The following SND1 variants were observed in gnomAD, a reference collection of about 807,000 sequenced individuals.
The protein encoded by SND1 is staphylococcal nuclease and tudor domain containing 1, also known as staphylococcal nuclease domain-containing protein 1.
Under a neutral mutation model 121.7 loss-of-function variants are expected in SND1, and 38 were observed. The observed-to-expected ratio is 0.31, with a 90% CI of 0.24 to 0.41. The LOEUF is 0.41. Among genes scored for constraint, SND1 ranks in the 10% least tolerant of loss-of-function variants. SND1 has a pLI of 1.00. For missense variants in SND1, 868 were observed against 1,184.6 expected, an observed-to-expected ratio of 0.73 and a Z score of 3.92; for synonymous variants, 401 against 447.4, an observed-to-expected ratio of 0.90 and a Z score of 1.31.
At chr7:127,665,189 AT>A (rs35105011) in intron 1 of SND1, among the ~76,000 whole-genome samples, 9,882 of 141,520 alleles carry the variant, frequency 0.07, 361 homozygotes, top group Middle Eastern at 0.2. Context: ...GACAGTCAAC[AT>A]TTTTTTTTTT....
intron 11 of SND1, among the ~76,000 whole-genome samples, chr7:127,839,189 C>A (rs1798919899): frequency 6.6e-6 from 1 of 152,074 alleles, no homozygotes; most frequent in Non-Finnish European, 1.5e-5. Context: ...ATGGTGTCGT[C>A]TTTTCAGTAT....
chr7:127,712,695 T>C (rs1180596941), intron 9 of SND1, among the ~76,000 whole-genome samples: 1 of 152,232 alleles, frequency 6.6e-6, no homozygotes, highest in Admixed American at 6.5e-5. Context: ...CCATCTGCTT[T>C]CCAGCTTCCA....
At chr7:127,937,600 T>G (rs1801088153) in intron 15 of SND1, among the ~76,000 whole-genome samples, 1 of 152,206 alleles carries the variant, frequency 6.6e-6, no homozygotes, top group Non-Finnish European at 1.5e-5. Context: ...TTGTGCATGG[T>G]GAACTAAAGG....
chr7:127,971,609 C>T (rs1454084385), intron 15 of SND1, among the ~76,000 whole-genome samples: 1 of 152,032 alleles, frequency 6.6e-6, no homozygotes, highest in African/African-American at 2.4e-5. Context: ...CAAACACCAG[C>T]CTCTCTCCCC....
At chr7:128,040,087 C>T (rs973841155) in intron 16 of SND1, among the ~76,000 whole-genome samples, 5 of 152,066 alleles carry the variant, frequency 3.3e-5, no homozygotes, top group African/African-American at 4.8e-5. Context: ...ATTCCATCAA[C>T]GAACCCTTAA....
Position 128,052,423 on chromosome 7 carries a change from C to T in SND1, c.1780-22079C>T, listed in dbSNP as rs115964748. Among the ~76,000 whole-genome samples, 792 of 152,314 alleles carry T rather than the reference C, an allele frequency of 5.2e-3. 5 individuals are homozygous for T. Among genetic ancestry groups the T allele is most frequent in the African/African-American group, 0.018 (763 of 41,566 alleles). ...ACTTCATTGCCACAGCTTGTCTTCC[C>T]GCCCAGGAAAGGGTATTTGGAAGAA... On this transcript the variant is annotated intron_variant, in intron 16 of 23. Transcript: ENST00000354725. The surrounding 1 kb of genome is among the most constrained non-coding windows in gnomAD (Gnocchi z 4.6).
At chr7:127,701,067 C>G (rs1311115668) in intron 4 of SND1, 96 bp from the exon 5 acceptor site, 2 of 1,348,496 alleles carry the variant, frequency 1.5e-6, no homozygotes, top group Non-Finnish European at 2.1e-6. Context: ...TTGTTGTCTT[C>G]AAGGGGTGAA....
At chr7:127,782,707 G>A (rs778268361) in intron 10 of SND1, among the ~76,000 whole-genome samples, 97 of 152,142 alleles carry the variant, frequency 6.4e-4, no homozygotes, top group Non-Finnish European at 1.6e-4. Flanking sequence ...TGCAAAGCAG[G>A]GCTGTAGACC....
chr7:127,872,848 T>C (rs564387170), intron 12 of SND1, among the ~76,000 whole-genome samples: 1 of 152,258 alleles, frequency 6.6e-6, no homozygotes, highest in East Asian at 1.9e-4. Context: ...ATTGGGAAAA[T>C]GAATGTAGTT....
chr7:128,029,062 T>C lies in SND1; in HGVS notation c.1779+38006T>C. ...GCCACAAAGCAGCCAATGATGATCT[T>C]GGTGGTCTTCATGACTTCATCCAGG... On this transcript the variant is annotated intron_variant, in intron 16 of 23. Transcript: ENST00000354725. This position sits in a 1 kb window ranked among gnomAD's most constrained non-coding sequence, Gnocchi z 4.2. 2 of 1,613,714 alleles carry C rather than the reference T, an allele frequency of 1.2e-6. No homozygotes were observed. The highest frequency in any genetic ancestry group is 1.7e-6 in the Non-Finnish European group (2 of 1,179,892).
intron 15 of SND1, among the ~76,000 whole-genome samples, chr7:127,988,383 C>T (rs759179304): frequency 5.9e-5 from 9 of 152,202 alleles, no homozygotes; most frequent in African/African-American, 1.9e-4. Flanking sequence ...CTACTCTTGT[C>T]GTGCTAGGGC....
intron 12 of SND1, among the ~76,000 whole-genome samples, chr7:127,882,392 G>T (rs1374163917): frequency 1.5e-5 from 2 of 136,084 alleles, no homozygotes; most frequent in South Asian, 2.6e-4. Flanking sequence ...GGAAGGGAGG[G>T]AGGGAGGGAG....
chr7:127,945,116 C>T (rs1261194348), intron 15 of SND1, among the ~76,000 whole-genome samples: 1 of 152,190 alleles, frequency 6.6e-6, no homozygotes, highest in Non-Finnish European at 1.5e-5. Context: ...TAGAATAGTG[C>T]TTCACCAAGT....
intron 16 of SND1, among the ~76,000 whole-genome samples, chr7:128,055,069 A>T (rs1005423501): frequency 6.6e-6 from 1 of 152,224 alleles, no homozygotes; most frequent in Non-Finnish European, 1.5e-5. Flanking sequence ...CAGGGCAATA[A>T]ATTCTCTGGG....
At chr7:128,083,488 A>G (rs1442508821) in intron 18 of SND1, among the ~76,000 whole-genome samples, 1 of 152,238 alleles carries the variant, frequency 6.6e-6, no homozygotes, top group African/African-American at 2.4e-5. Context: ...GCAGCAGCTT[A>G]AGAGTGGACA....
chr7:127,798,874 G>T (rs1798075707), intron 10 of SND1, among the ~76,000 whole-genome samples: 1 of 152,060 alleles, frequency 6.6e-6, no homozygotes, highest in African/African-American at 2.4e-5. Context: ...ACAAGACCCT[G>T]TCTCTACAGA....
chr7:128,084,503 A>G (rs1248342391), intron 18 of SND1, among the ~76,000 whole-genome samples: 2 of 152,236 alleles, frequency 1.3e-5, no homozygotes, highest in Admixed American at 6.5e-5. Flanking sequence ...AAGGCCCAAC[A>G]TGTCAGCAAG....
rs148173300 is a variant in SND1, at chr7:128,074,661, G to A, written c.1939G>A (p.Glu647Lys). The A allele has an allele frequency of 5.0e-6, 8 of 1,613,168 alleles. No homozygotes were observed. In the Admixed American group the frequency reaches 6.7e-5, roughly 13 times the overall value. ...SSYYKSLLSA[E>K]EAAKQKKEKV... is the part of the protein sequence containing the mutation. ...CTACTACAAGTCCCTGCTGTCTGCC[G>A]AGGAGGCCGCAAAGCAGAAGAAAGA... Residue 647 changes from glutamate (E) to lysine (K), a missense_variant, in exon 17 of 24, where the codon GAG becomes AAG. Physicochemically the swap from Glu to Lys is moderately conservative, Grantham distance 56. This residue lies in a region of SND1 where 743 missense variants were observed against 1,071.3 expected (regional missense o/e 0.69). Transcript: ENST00000354725.
intron 17 of SND1, among the ~76,000 whole-genome samples, chr7:128,076,563 C>T (rs1039075538): frequency 1.3e-5 from 2 of 152,154 alleles, no homozygotes; most frequent in South Asian, 2.1e-4. Context: ...TTGGCTGAAC[C>T]CTGATAAGAG....
Sources: allele counts gnomAD v4.1 joint callset (sites outside exome capture counted in the v4.1 genomes callset), GRCh38; gene constraint gnomAD v4.1.1; regional missense constraint gnomAD v4.1.1; non-coding constraint Gnocchi (gnomAD v3.1); transcripts MANE v1.5; gene names NCBI Gene and HGNC (gene_info 2026-07-23, HGNC 2026-07-21).